MTBP: variants seen among roughly 807,000 people sequenced by gnomAD.
MTBP encodes MDM2 binding protein.
MTBP carries 101 observed loss-of-function variants against 117.0 expected under a neutral mutation model. The observed-to-expected ratio is 0.86, with a 90% confidence interval of 0.73 to 1.02. MTBP has a LOEUF of 1.02. Ranked by LOEUF, MTBP falls within the 50% of genes least tolerant of loss-of-function variation. The pLI is 0.00. For synonymous variants in MTBP, 350 were observed against 351.5 expected (o/e 1.00, Z 0.05); for missense variants, 970 against 1,030.9 (o/e 0.94, Z 0.81).
intron 12 of MTBP, among the ~76,000 whole-genome samples, chr8:120,488,833 C>T (rs1814277062): frequency 1.3e-5 from 2 of 152,006 alleles, no homozygotes; most frequent in Admixed American, 1.3e-4. Flanking sequence ...TTTTGAGGTC[C>T]TCCATATGAT....
At chr8:120,471,142 A>G (rs1813808422) in intron 11 of MTBP, 3 of 437,700 alleles carry the variant, frequency 6.9e-6, no homozygotes, top group Non-Finnish European at 1.2e-5. Flanking sequence ...TTAAAATGCT[A>G]GTGATCTAAA....
chr8:120,510,098 T>G (rs971167625), intron 17 of MTBP, 69 bp downstream of exon 17: 2 of 1,111,232 alleles, frequency 1.8e-6, no homozygotes, highest in African/African-American at 3.1e-5. Flanking sequence ...GAAGAGTGAC[T>G]TTAATAAAAT....
Position 120,518,825 on chromosome 8 carries a change from A to G in MTBP, c.2610+8A>G. On this transcript the variant is annotated splice_region_variant and intron_variant, in intron 20 of 21. Transcript: ENST00000305949. Reference sequence around the variant, plus strand: ...TCTAAGTTCTATCTAAAGGTACGGTATCTTCTCTACTAATGGCAAAATTTA... The same window carrying G: ...TCTAAGTTCTATCTAAAGGTACGGTGTCTTCTCTACTAATGGCAAAATTTA... 1 of 1,583,594 alleles carries G rather than the reference A, an allele frequency of 6.3e-7. No individual in the cohort carries two copies.
At chr8:120,519,500 G>A (rs146353083) in intron 20 of MTBP, among the ~76,000 whole-genome samples, 1 of 152,246 alleles carries the variant, frequency 6.6e-6, no homozygotes, top group African/African-American at 2.4e-5. Context: ...CTTAGACAAT[G>A]TTAGATTATG....
chr8:120,447,926 A>ATTTTT (rs59081966), intron 2 of MTBP, among the ~76,000 whole-genome samples: 1 of 149,628 alleles, frequency 6.7e-6, no homozygotes, highest in Non-Finnish European at 1.5e-5. Flanking sequence ...TTATTCTTCG[A>ATTTTT]TTTTTTTTTT....
intron 11 of MTBP, chr8:120,472,350 C>G (rs1340082596): frequency 6.6e-6 from 1 of 152,154 alleles, no homozygotes; most frequent in Non-Finnish European, 1.5e-5. Flanking sequence ...AGGTAATAGT[C>G]AGGGCTGGAG....
At chr8:120,509,010 G>A (rs1305821619) in intron 16 of MTBP, among the ~76,000 whole-genome samples, 1 of 152,016 alleles carries the variant, frequency 6.6e-6, no homozygotes, top group Non-Finnish European at 1.5e-5. Context: ...ATGTAAACTC[G>A]ACATATGATT....
intron 4 of MTBP, 107 bp downstream of exon 4, chr8:120,451,429 C>T: frequency 2.0e-6 from 2 of 976,378 alleles, no homozygotes; most frequent in Non-Finnish European, 3.0e-6. Context: ...ACTGAAGAAA[C>T]TCTAGTTAAT....
At position 120,488,153 on chromosome 8, in the gene MTBP, G is replaced by C; in HGVS notation, c.1166-6G>C. The C allele has an allele frequency of 6.3e-7, 1 of 1,578,550 alleles. No homozygotes were observed. The highest frequency in any genetic ancestry group is 8.6e-7 in the Non-Finnish European group (1 of 1,167,148). ...CATACTTAACAAGATAATTGTTTTTGTTTAGTTCCAGATGTTGAAGTGAAA... is the reference window on the plus strand; with the variant it reads ...CATACTTAACAAGATAATTGTTTTTCTTTAGTTCCAGATGTTGAAGTGAAA... On this transcript the variant is annotated splice_polypyrimidine_tract_variant and splice_region_variant and intron_variant, in intron 11 of 21. Coordinates refer to ENST00000305949, the MANE Select transcript of MTBP (RefSeq NM_022045.5).
At chr8:120,497,722 A>G (rs774642043) in intron 14 of MTBP, among the ~76,000 whole-genome samples, 168 bp downstream of exon 14, 24 of 152,288 alleles carry the variant, frequency 1.6e-4, no homozygotes, top group Non-Finnish European at 3.5e-4. Flanking sequence ...GATGAACTGT[A>G]TTACTCATTA....
At chr8:120,445,926 A>G (rs1413582253) in intron 1 of MTBP, among the ~76,000 whole-genome samples, 1 of 152,190 alleles carries the variant, frequency 6.6e-6, no homozygotes, top group Non-Finnish European at 1.5e-5. Flanking sequence ...ATAATACGGA[A>G]AGGAGCAAGA....
intron 16 of MTBP, among the ~76,000 whole-genome samples, chr8:120,507,929 G>T (rs1489313400): frequency 6.6e-6 from 1 of 152,010 alleles, no homozygotes; most frequent in Admixed American, 6.6e-5. Context: ...GCACAAACTG[G>T]CAGAGTCAGT....
chr8:120,458,857 A>C (rs1417944052), intron 7 of MTBP, among the ~76,000 whole-genome samples: 1 of 151,940 alleles, frequency 6.6e-6, no homozygotes, highest in East Asian at 1.9e-4. Flanking sequence ...CAAAAAAAAA[A>C]AAAAAAAGGA....
chr8:120,500,836 C>T (rs1033064298), intron 14 of MTBP, among the ~76,000 whole-genome samples: 2 of 151,778 alleles, frequency 1.3e-5, no homozygotes, highest in Admixed American at 1.3e-4. Flanking sequence ...GTGGATGGAT[C>T]ACTTGAGGCC....
At chr8:120,475,889 T>C (rs1813924580) in intron 11 of MTBP, among the ~76,000 whole-genome samples, 1 of 152,070 alleles carries the variant, frequency 6.6e-6, no homozygotes, top group African/African-American at 2.4e-5. Flanking sequence ...AAACAAATCA[T>C]AGATAAGTAA....
chr8:120,448,007 GC>G (rs1480370963), intron 2 of MTBP, among the ~76,000 whole-genome samples: 1 of 151,802 alleles, frequency 6.6e-6, no homozygotes, highest in Non-Finnish European at 1.5e-5. Flanking sequence ...CTTCACTGCA[GC>G]CTCAACCTCC....
At chr8:120,473,800 C>T (rs531338184) in intron 11 of MTBP, 7 of 152,110 alleles carry the variant, frequency 4.6e-5, no homozygotes, top group African/African-American at 1.4e-4. Context: ...TAGTCAATTT[C>T]GCTTATTCTA....
chr8:120,463,523 T>C (rs1306400717), intron 9 of MTBP, among the ~76,000 whole-genome samples, 169 bp from the exon 10 acceptor site: 8 of 152,168 alleles, frequency 5.3e-5, no homozygotes, highest in Admixed American at 5.2e-4. Context: ...AACAAATAAT[T>C]GGAAAAATAC....
intron 10 of MTBP, among the ~76,000 whole-genome samples, chr8:120,467,079 A>G (rs1308579256): frequency 6.6e-6 from 1 of 152,194 alleles, no homozygotes; most frequent in African/African-American, 2.4e-5. Context: ...TAAACAAATT[A>G]TTTATCTATG....
Sources: gnomAD v4.1 joint callset for allele counts (sites outside exome capture counted in the v4.1 genomes callset) on GRCh38, gnomAD v4.1.1 for gene constraint, MANE v1.5 for transcripts, NCBI Gene and HGNC (gene_info 2026-07-23, HGNC 2026-07-21) for gene names.